The following DIP2C variants were observed in gnomAD, a reference collection of about 807,000 sequenced individuals.
DIP2C encodes disco-interacting protein 2 homolog C.
DIP2C carries 33 observed loss-of-function variants against 192.4 expected under a neutral mutation model. The observed-to-expected ratio is 0.17, with a 90% CI of 0.13 to 0.23. DIP2C has a LOEUF of 0.23. DIP2C is among the 10% of genes least tolerant of loss of function. DIP2C has a pLI of 1.00. For missense variants in DIP2C, 1,537 were observed against 2,110.1 expected, an observed-to-expected ratio of 0.73 and a Z score of 5.32; for synonymous variants, 979 against 864.1, an observed-to-expected ratio of 1.13 and a Z score of -2.33.
At chr10:384,273 T>C (rs1962661706) in intron 15 of DIP2C, 127 bp from the exon 16 acceptor site, 11 of 18,362 alleles carry the variant, frequency 6.0e-4, no homozygotes, top group Non-Finnish European at 1.1e-3. Context: ...CCACAAACCT[T>C]TTTTTTTTTT....
At chr10:460,731 G>A (rs978512836) in intron 3 of DIP2C, among the ~76,000 whole-genome samples, 1 of 152,052 alleles carries the variant, frequency 6.6e-6, no homozygotes, top group Non-Finnish European at 1.5e-5. Context: ...CTTGAGAAAA[G>A]CAACCCCAAG....
chr10:647,361 G>A (rs910009494), intron 1 of DIP2C, among the ~76,000 whole-genome samples: 20 of 151,764 alleles, frequency 1.3e-4, no homozygotes, highest in African/African-American at 4.6e-4. Flanking sequence ...ATTGGACGGC[G>A]GGAGAGAACA....
intron 1 of DIP2C, chr10:667,587 C>T (rs1165958642): frequency 6.6e-6 from 1 of 152,134 alleles, no homozygotes; most frequent in Non-Finnish European, 1.5e-5. Context: ...CAACACATAC[C>T]CAATATATGC....
intron 10 of DIP2C, among the ~76,000 whole-genome samples, chr10:391,322 G>C (rs2132952890): frequency 6.6e-6 from 1 of 152,362 alleles, no homozygotes; most frequent in Admixed American, 6.5e-5. Flanking sequence ...AGGCACACCT[G>C]TCATGGGTGC....
At chr10:612,302 A>G (rs1459610491) in intron 1 of DIP2C, among the ~76,000 whole-genome samples, 1 of 152,006 alleles carries the variant, frequency 6.6e-6, no homozygotes, top group Non-Finnish European at 1.5e-5. Context: ...AAAAAAAAAA[A>G]ATAAACCAAT....
intron 1 of DIP2C, among the ~76,000 whole-genome samples, chr10:586,486 G>GT (rs1851034328): frequency 8.1e-6 from 1 of 123,334 alleles, no homozygotes; most frequent in East Asian, 2.2e-4. Context: ...AGGCAGACCA[G>GT]CCCTAAGTCC....
At chr10:579,156 A>C (rs1850395435) in intron 1 of DIP2C, among the ~76,000 whole-genome samples, 2 of 151,844 alleles carry the variant, frequency 1.3e-5, no homozygotes, top group Admixed American at 6.5e-5. Context: ...GCATACACCC[A>C]GATACAGTGT....
At chr10:392,592 C>G (rs1220366534) in intron 10 of DIP2C, among the ~76,000 whole-genome samples, 1 of 152,230 alleles carries the variant, frequency 6.6e-6, no homozygotes, top group Non-Finnish European at 1.5e-5. Flanking sequence ...GACGCCAGCC[C>G]TCAGCACAGC....
chr10:634,901 T>C (rs566792755), intron 1 of DIP2C, among the ~76,000 whole-genome samples: 1 of 152,310 alleles, frequency 6.6e-6, no homozygotes, highest in Admixed American at 6.5e-5. Context: ...CACCGATCCA[T>C]ACCTAAATCC....
chr10:342,778 A>G (rs1958220665), intron 28 of DIP2C, among the ~76,000 whole-genome samples: 1 of 152,092 alleles, frequency 6.6e-6, no homozygotes, highest in Admixed American at 6.6e-5. Context: ...AAATCCAATC[A>G]TCCCATCATG....
At chr10:681,184 T>C (rs993016149) in intron 1 of DIP2C, among the ~76,000 whole-genome samples, 5 of 147,828 alleles carry the variant, frequency 3.4e-5, no homozygotes, top group Admixed American at 2.7e-4. Flanking sequence ...TTCCAGGGAA[T>C]GCAGCCCCTC....
chr10:650,725 C>G lies in DIP2C; in HGVS notation c.85+38769G>C, dbSNP rs980043795. ...GGCTTCTGGCCAGAGTGCTCTGGGC[C>G]GACCCCCCCTCATGCTCACTTCCCT... On this transcript the variant is annotated intron_variant, in intron 1 of 36. Transcript: ENST00000280886. 11 of 634,372 alleles carry G rather than the reference C, an allele frequency of 1.7e-5. No homozygotes were observed. The Admixed American group carries it at 2.8e-4, about 16-fold the overall frequency. 39.3% of individuals were successfully genotyped at this position (634,372 alleles called of 1,614,324 possible). A position where few individuals can be genotyped will look rare whatever the true frequency, so the allele number is the denominator to read the frequency against.
chr10:674,789 T>TATATATATATATATATATATAGAGAG, intron 1 of DIP2C, among the ~76,000 whole-genome samples: 3 of 62,484 alleles, frequency 4.8e-5, no homozygotes, highest in African/African-American at 1.8e-4. Context: ...TATATATATA[T>TATATATATATATATATATATAGAGAG]AGAGAGAGAG....
chr10:550,404 C>G (rs1313668692), intron 1 of DIP2C, among the ~76,000 whole-genome samples: 1 of 152,228 alleles, frequency 6.6e-6, no homozygotes, highest in Non-Finnish European at 1.5e-5. Context: ...CAGGTGGCCA[C>G]TGACCACAGA....
chr10:414,733 G>GTATATATATATATATATA (rs1485973532), intron 7 of DIP2C, among the ~76,000 whole-genome samples: 5 of 58,290 alleles, frequency 8.6e-5, no homozygotes, highest in East Asian at 6.9e-4. Context: ...GTGTGTGTGT[G>GTATATATATATATATATA]TGTGTGTACA....
intron 1 of DIP2C, among the ~76,000 whole-genome samples, chr10:625,220 C>G (rs894168124): frequency 6.6e-6 from 1 of 152,202 alleles, no homozygotes; most frequent in East Asian, 1.9e-4. Flanking sequence ...TTCATTATCA[C>G]GGCCGCAAGC....
intron 14 of DIP2C, among the ~76,000 whole-genome samples, chr10:386,591 C>T (rs1288121650): frequency 2.6e-5 from 4 of 152,216 alleles, no homozygotes; most frequent in East Asian, 3.9e-4. Flanking sequence ...ACTTGAGAGA[C>T]GACCTGTGTG....
In DIP2C at chr10:377,875, A is replaced by C. The variant is rs139503537; in HGVS notation, c.1991+4772T>G. Among the ~76,000 whole-genome samples, 931 of 152,256 alleles carry C rather than the reference A, an allele frequency of 6.1e-3. 4 individuals carry two copies. Among genetic ancestry groups the C allele is most frequent in the Middle Eastern group, 0.014 (4 of 294 alleles). On this transcript the variant is annotated intron_variant, in intron 17 of 36. Coordinates refer to ENST00000280886, the MANE Select transcript of DIP2C (RefSeq NM_014974.3). Reference sequence around the variant, plus strand: ...TTTCATTGTTTTATATGATTTTTGCATTTTCATTACTAAAATATCAGGGTA... The same window carrying C: ...TTTCATTGTTTTATATGATTTTTGCCTTTTCATTACTAAAATATCAGGGTA...
chr10:414,739 G>GTGTGTGTATATATATATATATATATATA, intron 7 of DIP2C, among the ~76,000 whole-genome samples: 18 of 90,530 alleles, frequency 2.0e-4, no homozygotes, highest in East Asian at 1.0e-3. Flanking sequence ...GTGTGTGTGT[G>GTGTGTGTATATATATATATATATATATA]TACATATATA....
Sources: allele counts gnomAD v4.1 joint callset (sites outside exome capture counted in the v4.1 genomes callset), GRCh38; gene constraint gnomAD v4.1.1; transcripts MANE v1.5; gene names NCBI Gene and HGNC (gene_info 2026-07-23, HGNC 2026-07-21).